Variants in SCRG1 observed in about 807,000 individuals in gnomAD.
SCRG1 encodes scrapie-responsive protein 1.
In SCRG1, 3 loss-of-function variants were observed where a neutral mutation model predicts 7.7. That is an observed-to-expected ratio of 0.39 (90% CI 0.18 to 1.01). The LOEUF is 1.01. Ranked by LOEUF, SCRG1 falls within the 50% of genes least tolerant of loss-of-function variation. SCRG1 has a pLI of 0.36. For synonymous variants in SCRG1, 46 were observed against 41.2 expected, an observed-to-expected ratio of 1.12 and a Z score of -0.44; for missense variants, 110 against 117.2, an observed-to-expected ratio of 0.94 and a Z score of 0.28.
the SCRG1 span, among the ~76,000 whole-genome samples, chr4:173,423,757 A>G: frequency 4.6e-5 from 7 of 151,942 alleles, no homozygotes; most frequent in Non-Finnish European, 1.0e-4. Flanking sequence ...TGGTGCTACA[A>G]CAGAGTATTA....
chr4:173,512,850 A>T, the SCRG1 span, among the ~76,000 whole-genome samples: 5 of 152,372 alleles, frequency 3.3e-5, no homozygotes, highest in South Asian at 1.0e-3. Flanking sequence ...TGAAGGTGTC[A>T]TCCGCTCTTG....
upstream of SCRG1, chr4:173,404,102 G>A (rs938147155): frequency 6.6e-6 from 1 of 152,172 alleles, no homozygotes; most frequent in African/African-American, 2.4e-5. Context: ...GGGGGAACTG[G>A]GGTTCAAAAA....
chr4:173,511,866 G>T, the SCRG1 span, among the ~76,000 whole-genome samples: 1 of 152,182 alleles, frequency 6.6e-6, no homozygotes, highest in Non-Finnish European at 1.5e-5. The surrounding 1 kb of genome is among the most constrained non-coding windows in gnomAD (Gnocchi z 5.2). Flanking sequence ...CCTCCCTCTG[G>T]TTGTTTCCTC....
upstream of SCRG1, among the ~76,000 whole-genome samples, chr4:173,402,878 T>G (rs906934007): frequency 1.1e-4 from 17 of 152,218 alleles, no homozygotes; most frequent in African/African-American, 4.1e-4. Context: ...TATTGAAAAC[T>G]AACTCACAAT....
the SCRG1 span, among the ~76,000 whole-genome samples, chr4:173,465,917 G>A: frequency 1.3e-5 from 2 of 151,836 alleles, no homozygotes; most frequent in Non-Finnish European, 1.5e-5. Context: ...TGTGCACATC[G>A]GGCAAGTGGT....
the SCRG1 span, chr4:173,419,314 C>G: frequency 2.7e-6 from 2 of 747,726 alleles, no homozygotes; most frequent in Non-Finnish European, 4.3e-6. Context: ...AATCTTTCTT[C>G]TGAGCAAGGG....
the SCRG1 span, among the ~76,000 whole-genome samples, chr4:173,501,200 C>A: frequency 6.6e-6 from 1 of 152,214 alleles, no homozygotes; most frequent in African/African-American, 2.4e-5. The surrounding 1 kb of genome is among the most constrained non-coding windows in gnomAD (Gnocchi z 5.1). Flanking sequence ...GCGAGCCACG[C>A]GGCCCGAGCT....
At chr4:173,476,189 T>C in the SCRG1 span, among the ~76,000 whole-genome samples, 10 of 151,408 alleles carry the variant, frequency 6.6e-5, no homozygotes, top group East Asian at 5.8e-4. Flanking sequence ...GGTACCAAAA[T>C]TGAAGAAGGC....
intron 2 of SCRG1, 116 bp from the exon 3 acceptor site, chr4:173,388,511 AG>A: frequency 3.0e-6 from 2 of 660,414 alleles, no homozygotes; most frequent in Non-Finnish European, 5.0e-6. Context: ...TATTCTTTTT[AG>A]GTGACTAAAA....
chr4:173,423,948 A>G, the SCRG1 span, among the ~76,000 whole-genome samples: 1 of 152,194 alleles, frequency 6.6e-6, no homozygotes. Context: ...AAGAATAGAA[A>G]ATAACTTACC....
At chr4:173,396,009 G>T (rs530706812) in intron 1 of SCRG1, among the ~76,000 whole-genome samples, 162 of 152,268 alleles carry the variant, frequency 1.1e-3, no homozygotes, top group African/African-American at 3.7e-3. Context: ...TCCCTGGCTG[G>T]CCTGTGAAGA....
chr4:173,476,363 A>AAAAAAAAAATATATATATAT, the SCRG1 span, among the ~76,000 whole-genome samples: 10 of 98,504 alleles, frequency 1.0e-4, no homozygotes, highest in Middle Eastern at 5.2e-3. Flanking sequence ...GGAAAAAAAA[A>AAAAAAAAAATATATATATAT]ATATATATAT....
At chr4:173,397,521 C>T (rs574331635) in intron 1 of SCRG1, among the ~76,000 whole-genome samples, 2 of 152,104 alleles carry the variant, frequency 1.3e-5, no homozygotes, top group South Asian at 4.1e-4. Context: ...CATTTATATC[C>T]TAATAGTGTT....
At chr4:173,459,013 A>G in the SCRG1 span, among the ~76,000 whole-genome samples, 3 of 152,236 alleles carry the variant, frequency 2.0e-5, no homozygotes, top group Admixed American at 2.0e-4. Flanking sequence ...AAAAGAGACA[A>G]AAGTTACTAT....
chr4:173,442,391 A>T, the SCRG1 span, among the ~76,000 whole-genome samples: 1 of 152,204 alleles, frequency 6.6e-6, no homozygotes, highest in Non-Finnish European at 1.5e-5. Flanking sequence ...ATTCGGGATC[A>T]TGTGACGGAA....
the SCRG1 span, among the ~76,000 whole-genome samples, chr4:173,476,363 A>AAAAAAAAAAAAATATATATATATATATAT: frequency 1.0e-5 from 1 of 98,484 alleles, no homozygotes; most frequent in Non-Finnish European, 2.3e-5. Context: ...GGAAAAAAAA[A>AAAAAAAAAAAAATATATATATATATATAT]ATATATATAT....
At position 173,396,712 on chromosome 4, in the gene SCRG1, T is replaced by TTG. The variant is rs71594043; in HGVS notation, c.-15+2354_-15+2355dup. Among the ~76,000 whole-genome samples, 247 of 107,078 alleles carry TTG rather than the reference T, an allele frequency of 2.3e-3. 2 individuals are homozygous for TTG. The highest frequency in any genetic ancestry group is 8.5e-3 in the African/African-American group (217 of 25,534). The allele number at this position is 107,078 out of a possible 152,430, so 70.2% of individuals were successfully genotyped here. On this transcript the variant is annotated intron_variant, in intron 1 of 2. Transcript: ENST00000296506. Reference sequence around the variant, plus strand: ...ACCTAGCAAGTACCTACTGGTAGTTTTGTGTGTGTGTGTGTGTGTGTGTGT... The same window carrying TTG: ...ACCTAGCAAGTACCTACTGGTAGTTTTGTGTGTGTGTGTGTGTGTGTGTGTGT...
chr4:173,484,972 A>AATATAAATATAATATATAAT, the SCRG1 span, among the ~76,000 whole-genome samples: 1 of 24,884 alleles, frequency 4.0e-5, no homozygotes, highest in Non-Finnish European at 7.6e-5. Flanking sequence ...TATTATATAT[A>AATATAAATATAATATATAAT]ATATTATAAA....
chr4:173,400,607 G>A (rs557584766), upstream of SCRG1, among the ~76,000 whole-genome samples: 1 of 152,298 alleles, frequency 6.6e-6, no homozygotes, highest in East Asian at 1.9e-4. Context: ...AATGATAGCC[G>A]AAGTCATGGT....
Sources: allele counts gnomAD v4.1 joint callset (sites outside exome capture counted in the v4.1 genomes callset), GRCh38; gene constraint gnomAD v4.1.1; non-coding constraint Gnocchi (gnomAD v3.1); transcripts MANE v1.5; gene names NCBI Gene and HGNC (gene_info 2026-07-23, HGNC 2026-07-21).